Variants in CHD2 observed in about 807,000 individuals in gnomAD.
CHD2 encodes the protein ATP-dependent chromatin remodeler CHD2.
In CHD2, 28 loss-of-function variants were observed where a neutral mutation model predicts 243.9. That is an observed-to-expected ratio of 0.11 (90% CI 0.09 to 0.16). The LOEUF is 0.16. CHD2 is among the 10% of genes least tolerant of loss of function. CHD2 has a pLI of 1.00. For missense variants in CHD2, 1,386 were observed against 2,209.8 expected, an observed-to-expected ratio of 0.63 and a Z score of 7.47; for synonymous variants, 775 against 779.0, an observed-to-expected ratio of 0.99 and a Z score of 0.09.
At chr15:93,011,683 C>T (rs1176570089) in intron 35 of CHD2, among the ~76,000 whole-genome samples, 1 of 152,196 alleles carries the variant, frequency 6.6e-6, no homozygotes, top group Non-Finnish European at 1.5e-5. Flanking sequence ...TGTGCTTACT[C>T]TTTCTAAACA....
intron 5 of CHD2, among the ~76,000 whole-genome samples, chr15:92,936,034 T>G (rs1399256417): frequency 1.3e-5 from 2 of 152,114 alleles, no homozygotes; most frequent in Non-Finnish European, 2.9e-5. Flanking sequence ...CAAGGACCCA[T>G]CTACTGGGGA....
chr15:92,900,440 C>A lies in CHD2; in HGVS notation c.-456C>A. On this transcript the variant is annotated 5_prime_UTR_variant, in exon 1 of 39. Transcript: ENST00000394196. ...AACTTTCGGGCAGCCTCAGGGGGCC[C>A]CCGTAGCCCCCTGCCTTTCCTAGGG... 1 of 396,804 alleles carries A rather than the reference C, an allele frequency of 2.5e-6. No individual in the cohort carries two copies. Among genetic ancestry groups the A allele is most frequent in the Non-Finnish European group, 4.4e-6 (1 of 225,012 alleles). The allele number at this position is 396,804 out of a possible 1,614,324, so 24.6% of individuals were successfully genotyped here. A position where few individuals can be genotyped will look rare whatever the true frequency, so the allele number is the denominator to read the frequency against.
Position 93,025,061 on chromosome 15 carries a change from G to A in CHD2, c.*356G>A, listed in dbSNP as rs1053687758. On this transcript the variant is annotated 3_prime_UTR_variant, in exon 39 of 39. Coordinates refer to ENST00000394196, the MANE Select transcript of CHD2 (RefSeq NM_001271.4). ...GAGTCATGAATGTTTTCTTGCCAGG[G>A]TCAGTGTTCCCAGGACCTTAGTGCA... 3.4e-5 allele frequency: 8 copies of A among 237,410 alleles called. No individual in the cohort carries two copies. Among genetic ancestry groups the A allele is most frequent in the African/African-American group, 1.6e-4 (7 of 43,574 alleles). 14.7% of individuals were successfully genotyped at this position (237,410 alleles called of 1,614,324 possible).
intron 36 of CHD2, among the ~76,000 whole-genome samples, chr15:93,012,871 T>C (rs2054410311): frequency 6.6e-6 from 1 of 152,166 alleles, no homozygotes; most frequent in Non-Finnish European, 1.5e-5. Context: ...GCTCAGAAGT[T>C]GCCTCTCCTT....
chr15:92,985,686 T>A lies in CHD2; in HGVS notation c.3413+13T>A, dbSNP rs1415920774. 5 of 1,604,582 alleles carry A rather than the reference T, an allele frequency of 3.1e-6. No individual in the cohort carries two copies. Among genetic ancestry groups the A allele is most frequent in the Non-Finnish European group, 4.2e-6 (5 of 1,176,850 alleles). On this transcript the variant is annotated intron_variant, in intron 26 of 38. Coordinates refer to ENST00000394196, the MANE Select transcript of CHD2 (RefSeq NM_001271.4). ...CAGAGATCCGAAGGTTGGTGGAGGC[T>A]CTGTTCTCACTGAGCTTGTTTGAAA... is the stretch of plus-strand genomic sequence containing the variant.
intron 2 of CHD2, chr15:92,915,028 C>CATG (rs1197431129): frequency 1.3e-5 from 2 of 152,180 alleles, no homozygotes; most frequent in African/African-American, 4.8e-5. Flanking sequence ...AGAAGTTTAA[C>CATG]ATGAGTGACT....
At chr15:93,012,966 T>C (rs917478770) in intron 36 of CHD2, among the ~76,000 whole-genome samples, 3 of 152,252 alleles carry the variant, frequency 2.0e-5, no homozygotes, top group African/African-American at 7.2e-5. Context: ...TTTGCAGATC[T>C]GCTGACTTGC....
intron 38 of CHD2, chr15:93,020,476 C>CT: frequency 3.2e-6 from 2 of 634,766 alleles, no homozygotes; most frequent in South Asian, 4.1e-5. Flanking sequence ...AAAGAGTTTT[C>CT]TGCCGTCTTT....
chr15:93,019,683 C>T lies in CHD2; in HGVS notation c.4907-329C>T, dbSNP rs943595293. Among the ~76,000 whole-genome samples the T allele has an allele frequency of 2.0e-5, 3 of 152,270 alleles. No individual in the cohort carries two copies. The East Asian group carries it at 5.8e-4, about 29-fold the overall frequency. ...GCGTGGTGGCTCACAGCTGTAATCC[C>T]AGCACCTTGGGAAGCTGAGGCGGGC... On this transcript the variant is annotated intron_variant, in intron 37 of 38. Coordinates refer to ENST00000394196, the MANE Select transcript of CHD2 (RefSeq NM_001271.4).
chr15:92,960,208 C>G (rs1230365759), intron 16 of CHD2, among the ~76,000 whole-genome samples: 11 of 152,164 alleles, frequency 7.2e-5, no homozygotes, highest in Admixed American at 6.5e-4. Flanking sequence ...GATAAACTTA[C>G]TGTTTTCTAC....
chr15:92,927,855 C>A (rs1428591765), intron 4 of CHD2, among the ~76,000 whole-genome samples: 1 of 152,158 alleles, frequency 6.6e-6, no homozygotes, highest in South Asian at 2.1e-4. Context: ...CATACTTACT[C>A]TAATTGTGAG....
At chr15:92,903,639 C>T (rs4146837) in intron 2 of CHD2, among the ~76,000 whole-genome samples, 67,575 of 151,994 alleles carry the variant, frequency 0.44, 15,279 homozygotes, top group Admixed American at 0.49. Context: ...AAACAAAGTT[C>T]TAATGATGGA....
intron 2 of CHD2, among the ~76,000 whole-genome samples, chr15:92,913,033 G>A (rs764710697): frequency 2.0e-5 from 3 of 152,180 alleles, no homozygotes; most frequent in Non-Finnish European, 4.4e-5. Context: ...TTATATAGAC[G>A]TTTAAATCCT....
intron 28 of CHD2, among the ~76,000 whole-genome samples, chr15:92,993,510 G>A (rs2141862451): frequency 6.6e-6 from 1 of 152,308 alleles, no homozygotes; most frequent in Admixed American, 6.5e-5. Flanking sequence ...TGGACATGCA[G>A]TGTGTTTTCT....
chr15:92,904,478 G>C (rs1044071171), intron 2 of CHD2: 14 of 989,646 alleles, frequency 1.4e-5, no homozygotes, highest in Non-Finnish European at 1.6e-5. Context: ...TACCCAGGGA[G>C]CCGCACGCCG....
At chr15:92,927,179 A>C in intron 3 of CHD2, 65 bp from the exon 4 acceptor site, 2 of 1,138,088 alleles carry the variant, frequency 1.8e-6, no homozygotes, top group Non-Finnish European at 2.6e-6. Flanking sequence ...CAATTGCAAT[A>C]AACGTTTGAT....
rs1288837257 is a variant in CHD2 at position 92,946,003 on chromosome 15, G to C, written c.1199-35G>C. The C allele has an allele frequency of 2.6e-6, 4 of 1,531,338 alleles. No homozygotes were observed. The Admixed American group carries it at 8.4e-5, about 32-fold the overall frequency. The allele number at this position is 1,531,338 out of a possible 1,614,324, so 94.9% of individuals were successfully genotyped here. A position where few individuals can be genotyped will look rare whatever the true frequency, so the allele number is the denominator to read the frequency against. On this transcript the variant is annotated intron_variant, in intron 11 of 38. Coordinates refer to ENST00000394196, the MANE Select transcript of CHD2 (RefSeq NM_001271.4). ...TGTCATTTTTCACTTTTAATTGACAGTTGCTAATCTATAAATTTTTTTTAT... is the reference window on the plus strand; with the variant it reads ...TGTCATTTTTCACTTTTAATTGACACTTGCTAATCTATAAATTTTTTTTAT...
At position 92,929,010 on chromosome 15, in the gene CHD2, TC is replaced by T. The variant is rs758634215; in HGVS notation, c.382-14del. 6 of 1,607,982 alleles carry T rather than the reference TC, an allele frequency of 3.7e-6. No homozygotes were observed. The highest frequency in any genetic ancestry group is 5.1e-6 in the Non-Finnish European group (6 of 1,176,380). On this transcript the variant is annotated intron_variant, in intron 4 of 38. Coordinates refer to ENST00000394196, the MANE Select transcript of CHD2 (RefSeq NM_001271.4). Reference sequence around the variant, plus strand: ...GTGAATTAAAGTCTGTAATCATTTTTCCCCCCTCACACACTGAAGGCAAGTA... The same window carrying T: ...GTGAATTAAAGTCTGTAATCATTTTTCCCCCTCACACACTGAAGGCAAGTA...
At chr15:92,903,736 G>C (rs112460356) in intron 2 of CHD2, among the ~76,000 whole-genome samples, 1 of 152,208 alleles carries the variant, frequency 6.6e-6, no homozygotes, top group African/African-American at 2.4e-5. Context: ...AAACGGGACT[G>C]TGTGCACACA....
Sources: allele counts gnomAD v4.1 joint callset (sites outside exome capture counted in the v4.1 genomes callset), GRCh38; gene constraint gnomAD v4.1.1; transcripts MANE v1.5; gene names NCBI Gene and HGNC (gene_info 2026-07-23, HGNC 2026-07-21).